The following LIPG variants were observed in gnomAD, a reference collection of about 807,000 sequenced individuals.
The protein encoded by LIPG is lipase G, endothelial type.
In LIPG, 34 loss-of-function variants were observed where a neutral mutation model predicts 51.8. The observed-to-expected ratio is 0.66, with a 90% CI of 0.50 to 0.87. The LOEUF (loss-of-function observed/expected upper bound fraction) is 0.87, where lower values mean the gene tolerates loss of function less well. Ranked by LOEUF, LIPG falls within the 40% of genes least tolerant of loss-of-function variation. The pLI is 0.00. For synonymous variants in LIPG, 246 were observed against 246.1 expected, an observed-to-expected ratio of 1.00 and a Z score of 0.00; for missense variants, 580 against 652.7, an observed-to-expected ratio of 0.89 and a Z score of 1.21.
intron 9 of LIPG, among the ~76,000 whole-genome samples, chr18:49,588,794 C>T (rs1372844333): frequency 6.6e-6 from 1 of 152,130 alleles, no homozygotes; most frequent in Admixed American, 6.5e-5. Context: ...AGCCAAAACA[C>T]CTGCTAAGGA....
upstream of LIPG, chr18:49,561,685 G>A (rs1034249748): frequency 1.6e-6 from 2 of 1,243,198 alleles, no homozygotes. Flanking sequence ...CCTTGGAGAG[G>A]ATGCTCTCCT....
intron 4 of LIPG, among the ~76,000 whole-genome samples, chr18:49,572,679 C>T (rs1300883179): frequency 6.7e-6 from 1 of 148,418 alleles, no homozygotes; most frequent in African/African-American, 2.5e-5. Context: ...TGCAGAGAGC[C>T]GAGACTGGGC....
rs975092947 is a variant in LIPG at position 49,585,219 on chromosome 18, T to A, written c.1376+1445T>A. ...TGGGATTACAGGTGTGTTGCCACCA[T>A]GCCCAGCTAATTTTTGTATTTTTAT... On this transcript the variant is annotated intron_variant, in intron 8 of 9. Coordinates refer to ENST00000261292, the MANE Select transcript of LIPG (RefSeq NM_006033.4). Among the ~76,000 whole-genome samples the A allele has an allele frequency of 6.8e-4, 104 of 152,282 alleles. 1 individual carries two copies. Among genetic ancestry groups the A allele is most frequent in the African/African-American group, 2.5e-3 (103 of 41,548 alleles).
Position 49,590,930 on chromosome 18 carries a change from G to A in LIPG, c.*408G>A, listed in dbSNP as rs1278574587. ...CTGTCAGCTGCTCAGCCTGCTTTGA[G>A]CCTCAGTGAGAAGTCCTTCCGACAG... On this transcript the variant is annotated 3_prime_UTR_variant, in exon 10 of 10. Transcript: ENST00000261292. 3.3e-6 allele frequency: 1 copy of A among 307,046 alleles called. No homozygotes were observed. The highest frequency in any genetic ancestry group is 7.7e-5 in the East Asian group (1 of 13,008). 19.0% of individuals were successfully genotyped at this position (307,046 alleles called of 1,614,324 possible). A position where few individuals can be genotyped will look rare whatever the true frequency, so the allele number is the denominator to read the frequency against.
rs183543769 is a variant in LIPG, at chr18:49,596,100, A to G, written c.*5578A>G. 1.8e-4 allele frequency: 28 copies of G among 152,314 alleles called. No individual in the cohort carries two copies. Among genetic ancestry groups the G allele is most frequent in the Non-Finnish European group, 1.5e-5 (1 of 68,036 alleles). 9.4% of individuals were successfully genotyped at this position (152,314 alleles called of 1,614,324 possible). ...CCTGTGACACACCATTTAACTACAT[A>G]ACAAACCTGCATACGTACCCCTGAA... On this transcript the variant is annotated 3_prime_UTR_variant, in exon 10 of 10. Coordinates refer to ENST00000261292, the MANE Select transcript of LIPG (RefSeq NM_006033.4).
intron 5 of LIPG, among the ~76,000 whole-genome samples, chr18:49,580,983 G>T (rs1254729519): frequency 2.0e-5 from 3 of 152,168 alleles, no homozygotes; most frequent in Non-Finnish European, 2.9e-5. Flanking sequence ...CACAGGTCGG[G>T]TGCAGCGGCT....
chr18:49,568,430 G>C (rs1284193908), intron 3 of LIPG, among the ~76,000 whole-genome samples: 1 of 151,876 alleles, frequency 6.6e-6, no homozygotes, highest in East Asian at 1.9e-4. Flanking sequence ...ACCCAGGCTG[G>C]AGTGCAGTGC....
intron 4 of LIPG, among the ~76,000 whole-genome samples, chr18:49,570,204 T>C (rs950084566): frequency 2.0e-5 from 3 of 152,242 alleles, no homozygotes; most frequent in African/African-American, 7.2e-5. Flanking sequence ...CTTTCTGATA[T>C]TGGTCCCCAG....
At chr18:49,564,824 A>G (rs910741373) in intron 1 of LIPG, among the ~76,000 whole-genome samples, 2 of 152,230 alleles carry the variant, frequency 1.3e-5, no homozygotes, top group Non-Finnish European at 2.9e-5. Flanking sequence ...GTGAGTGGTT[A>G]TGTATTCTCT....
rs1322772152 is a variant in LIPG, at chr18:49,567,438, G to A, written c.280-4G>A. 1 of 1,613,876 alleles carries A rather than the reference G, an allele frequency of 6.2e-7. No homozygotes were observed. Among genetic ancestry groups the A allele is most frequent in the East Asian group, 2.2e-5 (1 of 44,886 alleles). The stretch of plus-strand genomic sequence containing the variant: ...TAAAAAACAACTTCCACTTTTCTCT[G>A]CAGATGAGCGGTATCTTTGAAAACT... On this transcript the variant is annotated splice_region_variant and splice_polypyrimidine_tract_variant and intron_variant, in intron 2 of 9. Transcript: ENST00000261292.
rs1426783111 is a variant in LIPG at position 49,594,024 on chromosome 18, T to C, written c.*3502T>C. ...GAACATTCAATATCCTCCTTCTAGT[T>C]ACTTGAAACCATATTTTATTAACTC... is the stretch of plus-strand genomic sequence containing the variant. On this transcript the variant is annotated 3_prime_UTR_variant, in exon 10 of 10. Coordinates refer to ENST00000261292, the MANE Select transcript of LIPG (RefSeq NM_006033.4). The C allele has an allele frequency of 6.6e-6, 1 of 152,234 alleles. No individual in the cohort carries two copies. The highest frequency in any genetic ancestry group is 2.4e-5 in the African/African-American group (1 of 41,468). 9.4% of individuals were successfully genotyped at this position (152,234 alleles called of 1,614,324 possible).
intron 5 of LIPG, among the ~76,000 whole-genome samples, chr18:49,579,307 T>G (rs997899229): frequency 6.6e-6 from 1 of 150,734 alleles, no homozygotes; most frequent in Non-Finnish European, 1.5e-5. Flanking sequence ...CACTTAAGTT[T>G]TTTCCATTCA....
intron 2 of LIPG, among the ~76,000 whole-genome samples, chr18:49,566,115 C>G (rs745684842): frequency 2.6e-5 from 4 of 152,154 alleles, no homozygotes; most frequent in Non-Finnish European, 4.4e-5. Flanking sequence ...GGAAATGGCA[C>G]TATTAAGTGA....
intron 9 of LIPG, chr18:49,589,488 G>T (rs1377482877): frequency 6.6e-6 from 1 of 152,296 alleles, no homozygotes; most frequent in African/African-American, 2.4e-5. Context: ...TTGAGACAGG[G>T]TCTTGCTCTG....
chr18:49,571,713 T>C (rs1045429730), intron 4 of LIPG, among the ~76,000 whole-genome samples: 4 of 152,150 alleles, frequency 2.6e-5, no homozygotes, highest in Non-Finnish European at 5.9e-5. Context: ...AGAGGACAGA[T>C]TGAGACTTGC....
intron 5 of LIPG, among the ~76,000 whole-genome samples, chr18:49,580,585 GC>G (rs2084808782): frequency 6.6e-6 from 1 of 152,114 alleles, no homozygotes. Flanking sequence ...GATCACTTGA[GC>G]CCAGGAGTTT....
intron 3 of LIPG, among the ~76,000 whole-genome samples, chr18:49,568,786 C>T (rs918264554): frequency 3.3e-5 from 5 of 152,160 alleles, no homozygotes; most frequent in African/African-American, 7.2e-5. Context: ...TGGGCAATTC[C>T]GGCCTGGCCT....
At chr18:49,586,906 T>C (rs999688262) in intron 9 of LIPG, 56 bp downstream of exon 9, 12 of 1,144,500 alleles carry the variant, frequency 1.0e-5, no homozygotes, top group South Asian at 2.5e-5. Context: ...GATGATCTCC[T>C]AGCATGTGCT....
chr18:49,578,869 A>T (rs1006194739), intron 5 of LIPG, among the ~76,000 whole-genome samples: 27 of 137,518 alleles, frequency 2.0e-4, no homozygotes, highest in African/African-American at 7.6e-4. Flanking sequence ...AAAACCAGTC[A>T]GGCGTGGTGG....
Sources: allele counts gnomAD v4.1 joint callset (sites outside exome capture counted in the v4.1 genomes callset), GRCh38; gene constraint gnomAD v4.1.1; transcripts MANE v1.5; gene names NCBI Gene and HGNC (gene_info 2026-07-23, HGNC 2026-07-21).